SRPRB: variants seen among roughly 807,000 people sequenced by gnomAD.
SRPRB encodes signal recognition particle receptor subunit beta.
In SRPRB, 20 loss-of-function variants were observed where a neutral mutation model predicts 31.9. The ratio of observed to expected loss-of-function variants is 0.63; its 90% CI spans 0.44 to 0.91. The LOEUF (loss-of-function observed/expected upper bound fraction) is 0.91, where lower values mean the gene tolerates loss of function less well. Ranked by LOEUF, SRPRB falls within the 40% of genes least tolerant of loss-of-function variation. The pLI is 0.00. For synonymous variants in SRPRB, 146 were observed against 132.8 expected, an observed-to-expected ratio of 1.10 and a Z score of -0.68; for missense variants, 321 against 324.9, an observed-to-expected ratio of 0.99 and a Z score of 0.09.
downstream of SRPRB, chr3:133,828,148 C>T (rs1935601825): frequency 6.6e-6 from 4 of 605,696 alleles, no homozygotes; most frequent in South Asian, 2.0e-5. Flanking sequence ...GCCCACAGAC[C>T]TTGGTCTCAG....
At chr3:133,822,281 A>G (rs552986302), downstream of SRPRB, among the ~76,000 whole-genome samples, 1 of 151,754 alleles carries the variant, frequency 6.6e-6, no homozygotes, top group South Asian at 2.1e-4. Context: ...CCTAATGCAA[A>G]TGACCCTGTT....
chr3:133,784,454 A>G (rs1218692991), intron 1 of SRPRB: 1 of 126,328 alleles, frequency 7.9e-6, no homozygotes, highest in Non-Finnish European at 1.6e-5. Flanking sequence ...CATCTTGTAA[A>G]TTCCCATTTG....
chr3:133,788,330 G>A (rs1559884388), intron 1 of SRPRB: 1 of 152,218 alleles, frequency 6.6e-6, no homozygotes, highest in East Asian at 1.9e-4. Flanking sequence ...ATTTACATAA[G>A]GCATATACCA....
chr3:133,827,698 G>A (rs1559896877), downstream of SRPRB: 3 of 585,792 alleles, frequency 5.1e-6, no homozygotes, highest in Non-Finnish European at 3.0e-6. Flanking sequence ...ATTAGCAGCT[G>A]AGGCTCTAAG....
At chr3:133,794,186 G>T (rs142393122) in intron 1 of SRPRB, 2 of 152,102 alleles carry the variant, frequency 1.3e-5, no homozygotes, top group African/African-American at 2.4e-5. Context: ...TTCCTAAGTC[G>T]TTAAAGCTTT....
At chr3:133,803,926 C>G (rs567554827), upstream of SRPRB, among the ~76,000 whole-genome samples, 3 of 151,256 alleles carry the variant, frequency 2.0e-5, no homozygotes, top group East Asian at 5.9e-4. Context: ...GAAACCCCGT[C>G]TCTACTAAAA....
chr3:133,816,029 G>A (rs1259127661), intron 5 of SRPRB, among the ~76,000 whole-genome samples: 2 of 152,194 alleles, frequency 1.3e-5, no homozygotes, highest in South Asian at 2.1e-4. Context: ...TTGACAATAT[G>A]TGATATCAGA....
chr3:133,827,610 A>G, downstream of SRPRB: 1 of 440,178 alleles, frequency 2.3e-6, no homozygotes, highest in Non-Finnish European at 4.1e-6. Flanking sequence ...AGATATGTCC[A>G]CAAAGACTTC....
intron 2 of SRPRB, 26 bp from the exon 3 acceptor site, chr3:133,807,720 T>A (rs1217700371): frequency 8.6e-6 from 13 of 1,519,960 alleles, no homozygotes; most frequent in Admixed American, 6.8e-5. Flanking sequence ...AAATGTTGAA[T>A]ATCACCCATC....
chr3:133,793,709 T>G (rs1934901567), intron 1 of SRPRB: 1 of 152,162 alleles, frequency 6.6e-6, no homozygotes, highest in South Asian at 2.1e-4. Flanking sequence ...TTTCCACAGT[T>G]AATTGCTTAA....
Position 133,820,036 on chromosome 3 carries a change from G to C in SRPRB, c.*270G>C. 1 of 400,722 alleles carries C rather than the reference G, an allele frequency of 2.5e-6. No homozygotes were observed. The highest frequency in any genetic ancestry group is 3.1e-5 in the South Asian group (1 of 32,750). 24.8% of individuals were successfully genotyped at this position (400,722 alleles called of 1,614,324 possible). A position where few individuals can be genotyped will look rare whatever the true frequency, so the allele number is the denominator to read the frequency against. On this transcript the variant is annotated 3_prime_UTR_variant, in exon 7 of 7. Transcript: ENST00000678299. Reference sequence around the variant, plus strand: ...AAGGTGTAACTTGATGTAGGGTCAAGGTTTTTGTGACAACAGGCAGACTCC... The same window carrying C: ...AAGGTGTAACTTGATGTAGGGTCAACGTTTTTGTGACAACAGGCAGACTCC...
intron 1 of SRPRB, among the ~76,000 whole-genome samples, chr3:133,798,794 C>T (rs1234076397): frequency 6.6e-6 from 1 of 152,030 alleles, no homozygotes; most frequent in East Asian, 1.9e-4. Context: ...CTGTAAACTG[C>T]CTGTGATTGT....
chr3:133,786,388 C>G (rs1398131943), intron 1 of SRPRB: 1 of 152,020 alleles, frequency 6.6e-6, no homozygotes, highest in East Asian at 1.9e-4. Context: ...GGCCAAACCA[C>G]CTGTTAATAA....
intron 1 of SRPRB, chr3:133,788,320 A>T (rs1934738415): frequency 6.6e-6 from 1 of 152,190 alleles, no homozygotes; most frequent in Non-Finnish European, 1.5e-5. Flanking sequence ...CATCCTCTTC[A>T]TTTACATAAG....
intron 1 of SRPRB, chr3:133,795,713 C>G (rs1934950360): frequency 1.3e-5 from 2 of 151,356 alleles, no homozygotes; most frequent in Non-Finnish European, 2.9e-5. Flanking sequence ...GTAGCTGGGA[C>G]TACAGGCACC....
At chr3:133,816,823 T>TG (rs1559893014) in intron 5 of SRPRB, 55 bp from the exon 6 acceptor site, 4 of 1,437,214 alleles carry the variant, frequency 2.8e-6, no homozygotes, top group South Asian at 2.7e-5. Flanking sequence ...TAAGAAGTCT[T>TG]GGGGAAAAAA....
chr3:133,827,748 C>T, downstream of SRPRB: 1 of 15,982 alleles, frequency 6.3e-5, no homozygotes, highest in Non-Finnish European at 1.6e-4. Context: ...CAGACAACAC[C>T]CCCCCCCCCC....
At chr3:133,792,778 TTGAA>T (rs1369063573) in intron 1 of SRPRB, 1 of 152,122 alleles carries the variant, frequency 6.6e-6, no homozygotes, top group Non-Finnish European at 1.5e-5. Flanking sequence ...AGCTAAAAGT[TTGAA>T]TGAGTTGTGG....
At chr3:133,806,555 A>G (rs1576381415) in intron 1 of SRPRB, 54 bp from the exon 2 acceptor site, 3 of 1,413,504 alleles carry the variant, frequency 2.1e-6, no homozygotes, top group African/African-American at 2.8e-5. Context: ...AGCCATGCAC[A>G]TATACTGATT....
Sources: allele counts gnomAD v4.1 joint callset (sites outside exome capture counted in the v4.1 genomes callset), GRCh38; gene constraint gnomAD v4.1.1; transcripts MANE v1.5; gene names NCBI Gene and HGNC (gene_info 2026-07-23, HGNC 2026-07-21).